Variants in ZNF438 observed in about 807,000 individuals in gnomAD.
ZNF438 encodes the protein zinc finger protein 438.
ZNF438 carries 25 observed loss-of-function variants against 38.0 expected under a neutral mutation model. The ratio of observed to expected loss-of-function variants is 0.66; its 90% CI spans 0.48 to 0.92. The LOEUF (loss-of-function observed/expected upper bound fraction) is 0.92. Among genes scored for constraint, ZNF438 ranks in the 40% least tolerant of loss-of-function variants. The pLI, the probability that ZNF438 is intolerant of heterozygous loss-of-function variation, is 0.00. For synonymous variants in ZNF438, 372 were observed against 364.1 expected (o/e 1.02, Z -0.25); for missense variants, 1,007 against 999.6 (o/e 1.01, Z -0.10).
intron 1 of ZNF438, among the ~76,000 whole-genome samples, chr10:30,981,076 T>C (rs1564787606): frequency 6.6e-6 from 1 of 152,192 alleles, no homozygotes; most frequent in Non-Finnish European, 1.5e-5. Context: ...GAACTTCTAG[T>C]TGTCCAACAG....
chr10:30,862,281 A>G (rs2035711906), intron 4 of ZNF438, among the ~76,000 whole-genome samples: 1 of 152,082 alleles, frequency 6.6e-6, no homozygotes, highest in South Asian at 2.1e-4. Context: ...CCAACAAACT[A>G]AAAATGGGCC....
chr10:30,964,168 TG>T (rs2049859738), intron 1 of ZNF438, among the ~76,000 whole-genome samples: 1 of 152,186 alleles, frequency 6.6e-6, no homozygotes, highest in Non-Finnish European at 1.5e-5. Flanking sequence ...CTTTTTTAGT[TG>T]TTTCTTCATT....
At chr10:30,968,767 T>G (rs1294123538) in intron 1 of ZNF438, among the ~76,000 whole-genome samples, 4 of 152,066 alleles carry the variant, frequency 2.6e-5, no homozygotes, top group African/African-American at 9.7e-5. Context: ...TATTATAGCC[T>G]AGCTATAGTG....
chr10:30,958,251 G>A (rs891603784), intron 1 of ZNF438, among the ~76,000 whole-genome samples: 5 of 147,038 alleles, frequency 3.4e-5, no homozygotes, highest in Non-Finnish European at 1.5e-5. Context: ...GTCTTCAGAA[G>A]AGAGTCTTCA....
intron 1 of ZNF438, among the ~76,000 whole-genome samples, chr10:30,993,677 A>T (rs1474705866): frequency 6.6e-6 from 1 of 152,248 alleles, no homozygotes; most frequent in Non-Finnish European, 1.5e-5. Flanking sequence ...CAGAGTCCCC[A>T]CTAAAGTAAT....
chr10:30,920,617 C>A (rs1304374084), intron 2 of ZNF438: 1 of 152,136 alleles, frequency 6.6e-6, no homozygotes, highest in Non-Finnish European at 1.5e-5. Flanking sequence ...GAGTTGGTAT[C>A]CTCTGGGCAA....
At chr10:30,900,339 G>A (rs1370055635) in intron 3 of ZNF438, among the ~76,000 whole-genome samples, 1 of 151,856 alleles carries the variant, frequency 6.6e-6, no homozygotes, top group East Asian at 1.9e-4. Context: ...TAGTAAACCT[G>A]GTTTATACCA....
intron 4 of ZNF438, 31 bp from the exon 6 acceptor site, chr10:30,850,398 T>C: frequency 6.3e-7 from 1 of 1,576,014 alleles, no homozygotes. Flanking sequence ...AAAGAGTTAC[T>C]GTATGTAACT....
chr10:30,946,103 T>C (rs2047377560), intron 1 of ZNF438, among the ~76,000 whole-genome samples: 1 of 151,328 alleles, frequency 6.6e-6, no homozygotes, highest in East Asian at 1.9e-4. Flanking sequence ...TTCTAACTGG[T>C]GTGAGATGGT....
At chr10:30,889,460 G>A (rs1589027155) in intron 3 of ZNF438, among the ~76,000 whole-genome samples, 1 of 152,172 alleles carries the variant, frequency 6.6e-6, no homozygotes, top group East Asian at 1.9e-4. Flanking sequence ...ACCCTGGATG[G>A]AGTGGCACCA....
intron 1 of ZNF438, among the ~76,000 whole-genome samples, chr10:30,951,697 G>T (rs1337552693): frequency 6.6e-6 from 1 of 151,842 alleles, no homozygotes; most frequent in African/African-American, 2.4e-5. Flanking sequence ...TACAAGGGAT[G>T]TGAAGGACCT....
chr10:30,902,530 T>C (rs1436156741), intron 3 of ZNF438, among the ~76,000 whole-genome samples: 1 of 152,136 alleles, frequency 6.6e-6, no homozygotes, highest in African/African-American at 2.4e-5. Flanking sequence ...TTACAAACTT[T>C]GAGCTAGACA....
At chr10:31,017,595 T>C (rs1216646444) in intron 1 of ZNF438, among the ~76,000 whole-genome samples, 5 of 152,254 alleles carry the variant, frequency 3.3e-5, no homozygotes, top group Admixed American at 2.0e-4. Flanking sequence ...ATTAAGCTTG[T>C]CAACTCTCCT....
chr10:30,953,761 C>G (rs1472593474), intron 1 of ZNF438, among the ~76,000 whole-genome samples: 3 of 151,782 alleles, frequency 2.0e-5, no homozygotes, highest in Non-Finnish European at 4.4e-5. Context: ...AAGGTTTGAA[C>G]AACATTAATG....
chr10:30,903,752 T>A (rs2042294284), intron 3 of ZNF438, among the ~76,000 whole-genome samples: 1 of 152,240 alleles, frequency 6.6e-6, no homozygotes, highest in Admixed American at 6.5e-5. Flanking sequence ...GTAGACCATG[T>A]AACCTTCAAG....
intron 3 of ZNF438, among the ~76,000 whole-genome samples, chr10:30,879,047 G>C (rs1440683328): frequency 6.6e-6 from 1 of 152,166 alleles, no homozygotes; most frequent in African/African-American, 2.4e-5. Flanking sequence ...TACTGGAAAA[G>C]AGAGCTACAC....
At chr10:30,977,459 T>C (rs1000121183) in intron 1 of ZNF438, among the ~76,000 whole-genome samples, 1 of 152,132 alleles carries the variant, frequency 6.6e-6, no homozygotes, top group East Asian at 1.9e-4. Flanking sequence ...CCAAAGTAGT[T>C]TCCAACTAAG....
chr10:30,900,095 T>C (rs1006599383), intron 3 of ZNF438, among the ~76,000 whole-genome samples: 10 of 152,140 alleles, frequency 6.6e-5, no homozygotes, highest in Non-Finnish European at 1.0e-4. Flanking sequence ...ACTACTCTAT[T>C]CTACTAGTGT....
chr10:31,019,612 G>A (rs1386007410), intron 1 of ZNF438, among the ~76,000 whole-genome samples: 1 of 152,180 alleles, frequency 6.6e-6, no homozygotes, highest in Non-Finnish European at 1.5e-5. Context: ...CCAAAAGATA[G>A]AAAGTGCAAC....
Sources: allele counts gnomAD v4.1 joint callset (sites outside exome capture counted in the v4.1 genomes callset), GRCh38; gene constraint gnomAD v4.1.1; transcripts MANE v1.5; gene names NCBI Gene and HGNC (gene_info 2026-07-23, HGNC 2026-07-21).